The following GFPT1 variants were observed in gnomAD, a reference collection of about 807,000 sequenced individuals.
The protein encoded by GFPT1 is glutamine--fructose-6-phosphate aminotransferase [isomerizing] 1.
GFPT1 carries 40 observed loss-of-function variants against 92.0 expected under a neutral mutation model. The observed-to-expected ratio is 0.43, with a 90% CI of 0.34 to 0.57. The LOEUF is 0.57. Ranked by LOEUF, GFPT1 falls within the 20% of genes least tolerant of loss-of-function variation. GFPT1 has a pLI of 0.02. For missense variants in GFPT1, 448 were observed against 869.1 expected (o/e 0.52, Z 6.09); for synonymous variants, 269 against 280.6 (o/e 0.96, Z 0.41).
At chr2:69,381,378 T>C (rs533714144) in intron 1 of GFPT1, among the ~76,000 whole-genome samples, 94 of 152,230 alleles carry the variant, frequency 6.2e-4, no homozygotes, top group African/African-American at 1.9e-3. Flanking sequence ...AAGCCTCAAG[T>C]GATCCTCCCA....
chr2:69,347,410 T>A (rs1181691254), intron 11 of GFPT1, among the ~76,000 whole-genome samples: 1 of 151,798 alleles, frequency 6.6e-6, no homozygotes, highest in Admixed American at 6.6e-5. Flanking sequence ...ATCCAAATCA[T>A]AATAATTATA....
At chr2:69,366,024 G>A (rs1671602222) in intron 3 of GFPT1, among the ~76,000 whole-genome samples, 1 of 151,430 alleles carries the variant, frequency 6.6e-6, no homozygotes, top group Non-Finnish European at 1.5e-5. Flanking sequence ...ATGTTGGCCA[G>A]GCTGGTCTCG....
At chr2:69,380,296 T>G (rs989594673) in intron 1 of GFPT1, among the ~76,000 whole-genome samples, 26 of 152,086 alleles carry the variant, frequency 1.7e-4, no homozygotes, top group African/African-American at 5.8e-4. Context: ...GGGCCGAGAT[T>G]GCGCCACTGC....
intron 2 of GFPT1, among the ~76,000 whole-genome samples, chr2:69,373,563 G>A (rs1181644428): frequency 6.6e-6 from 1 of 152,118 alleles, no homozygotes; most frequent in East Asian, 1.9e-4. Context: ...AGACTGTAGT[G>A]AGCTATGACC....
chr2:69,368,958 C>T (rs758455252), intron 3 of GFPT1, among the ~76,000 whole-genome samples: 2 of 152,090 alleles, frequency 1.3e-5, no homozygotes, highest in Non-Finnish European at 2.9e-5. Flanking sequence ...CTTCACTGAC[C>T]AAATATAATC....
intron 4 of GFPT1, among the ~76,000 whole-genome samples, chr2:69,361,831 T>A (rs1448342626): frequency 1.3e-5 from 2 of 151,954 alleles, no homozygotes; most frequent in Non-Finnish European, 2.9e-5. Flanking sequence ...ATAAAATAAA[T>A]TAGCTGGGTG....
chr2:69,332,413 C>T (rs1007372961), intron 15 of GFPT1, among the ~76,000 whole-genome samples: 3 of 150,738 alleles, frequency 2.0e-5, no homozygotes, highest in African/African-American at 7.3e-5. Context: ...CCTGGGTTCG[C>T]GTGATTCTCC....
chr2:69,383,338 C>T (rs1387351591), intron 1 of GFPT1, among the ~76,000 whole-genome samples: 1 of 152,164 alleles, frequency 6.6e-6, no homozygotes, highest in Non-Finnish European at 1.5e-5. Context: ...ACCTATTAAC[C>T]TCCATTTCCA....
At chr2:69,364,348 G>A (rs1294522240) in intron 3 of GFPT1, among the ~76,000 whole-genome samples, 1 of 152,154 alleles carries the variant, frequency 6.6e-6, no homozygotes, top group African/African-American at 2.4e-5. Context: ...ATAAAGTTAG[G>A]TGAAGTATAT....
At chr2:69,368,121 C>T (rs372782288) in intron 3 of GFPT1, among the ~76,000 whole-genome samples, 1 of 152,240 alleles carries the variant, frequency 6.6e-6, no homozygotes, top group African/African-American at 2.4e-5. Context: ...TGGTGGCTCA[C>T]GCCTGCAATC....
At chr2:69,335,751 G>A (rs1393882442) in intron 15 of GFPT1, among the ~76,000 whole-genome samples, 3 of 152,112 alleles carry the variant, frequency 2.0e-5, no homozygotes, top group Admixed American at 1.3e-4. Context: ...TCACTCAAGA[G>A]TTTTTATGCC....
At chr2:69,343,632 G>A (rs972694080) in intron 12 of GFPT1, among the ~76,000 whole-genome samples, 14 of 151,058 alleles carry the variant, frequency 9.3e-5, no homozygotes, top group Admixed American at 4.6e-4. Flanking sequence ...GGCTCGTCTC[G>A]GACTCCTGAC....
chr2:69,347,819 G>C (rs183047675), intron 11 of GFPT1, among the ~76,000 whole-genome samples: 1 of 152,234 alleles, frequency 6.6e-6, no homozygotes, highest in Admixed American at 6.5e-5. Context: ...CAACCTTAAT[G>C]AGGCAGGCTA....
At chr2:69,370,244 T>A (rs1291420594) in intron 2 of GFPT1, 136 bp from the exon 3 acceptor site, 3 of 679,152 alleles carry the variant, frequency 4.4e-6, no homozygotes. Context: ...AATTACCTAC[T>A]GAAAACCTAT....
chr2:69,372,091 T>C (rs1346383921), intron 2 of GFPT1, among the ~76,000 whole-genome samples: 2 of 147,576 alleles, frequency 1.4e-5, no homozygotes, highest in African/African-American at 2.5e-5. Context: ...TCCCAGCTAC[T>C]CAGGAGGGTG....
rs1454999070 is a variant in GFPT1, at chr2:69,319,968, C to T, written c.*6221G>A. 1 of 152,176 alleles carries T rather than the reference C, an allele frequency of 6.6e-6. No individual in the cohort carries two copies. The highest frequency in any genetic ancestry group is 2.1e-4 in the South Asian group (1 of 4,822). 9.4% of individuals were successfully genotyped at this position (152,176 alleles called of 1,614,324 possible). ...GAAAGAAACTTGAAATTTAATGCAA[C>T]GTTATTTCTCTTGCCTAGAAGCTAA... On this transcript the variant is annotated 3_prime_UTR_variant, in exon 20 of 20. Coordinates refer to ENST00000357308, the MANE Select transcript of GFPT1 (RefSeq NM_001244710.2).
At chr2:69,369,745 T>G in intron 3 of GFPT1, among the ~76,000 whole-genome samples, 1 of 152,334 alleles carries the variant, frequency 6.6e-6, no homozygotes, top group South Asian at 2.1e-4. Context: ...CATTTAATAT[T>G]CAGAGCTTAC....
chr2:69,382,066 G>A (rs1672026015), intron 1 of GFPT1, among the ~76,000 whole-genome samples: 1 of 151,944 alleles, frequency 6.6e-6, no homozygotes, highest in South Asian at 2.1e-4. Flanking sequence ...GCTTCGCTAT[G>A]TTGGCCAGGC....
At chr2:69,346,489 CG>C (rs1296202334) in intron 11 of GFPT1, among the ~76,000 whole-genome samples, 5 of 152,272 alleles carry the variant, frequency 3.3e-5, no homozygotes, top group Admixed American at 3.3e-4. Context: ...CCAACCACCT[CG>C]GCCTCCCAAA....
Sources: gnomAD v4.1 joint callset for allele counts (sites outside exome capture counted in the v4.1 genomes callset) on GRCh38, gnomAD v4.1.1 for gene constraint, MANE v1.5 for transcripts, NCBI Gene and HGNC (gene_info 2026-07-23, HGNC 2026-07-21) for gene names.